Variants in PTTG1IP2 observed in about 807,000 individuals in gnomAD.
PTTG1IP2 encodes the protein PTTG1IP family member 2.
intron 2 of PTTG1IP2, among the ~76,000 whole-genome samples, chr7:90,481,810 C>T (rs1234466256): frequency 6.6e-6 from 1 of 151,986 alleles, no homozygotes; most frequent in Non-Finnish European, 1.5e-5. Flanking sequence ...TTTTATTCAT[C>T]TTTGTATCTC....
intron 2 of PTTG1IP2, among the ~76,000 whole-genome samples, chr7:90,483,175 C>T (rs1383659171): frequency 6.6e-6 from 1 of 152,116 alleles, no homozygotes; most frequent in African/African-American, 2.4e-5. Context: ...ATATGGACAA[C>T]CAGTATCGTG....
chr7:90,484,312 A>T (rs1262496903), intron 2 of PTTG1IP2, among the ~76,000 whole-genome samples: 1 of 152,074 alleles, frequency 6.6e-6, no homozygotes, highest in Admixed American at 6.6e-5. Flanking sequence ...ACTAAAAATT[A>T]TTATGTATCT....
In PTTG1IP2 at chr7:90,479,210, A is replaced by C. The variant is rs1797788986; in HGVS notation, c.146-18A>C. 2 of 152,554 alleles carry C rather than the reference A, an allele frequency of 1.3e-5. No homozygotes were observed. Among genetic ancestry groups the C allele is most frequent in the Non-Finnish European group, 2.9e-5 (2 of 68,002 alleles). 9.5% of individuals were successfully genotyped at this position (152,554 alleles called of 1,614,324 possible). A position where few individuals can be genotyped will look rare whatever the true frequency, so the allele number is the denominator to read the frequency against. On this transcript the variant is annotated intron_variant, in intron 1 of 6. Coordinates refer to ENST00000509356, the MANE Select transcript of PTTG1IP2 (RefSeq NM_001365443.2). ...AAGGATTTGGATTAATTTTGGACTT[A>C]ATTTTTTTTAATTGTAGAATGTGCT...
At chr7:90,505,104 CA>C (rs1402044566) in intron 6 of PTTG1IP2, among the ~76,000 whole-genome samples, 17 of 152,238 alleles carry the variant, frequency 1.1e-4, no homozygotes, top group African/African-American at 4.1e-4. Flanking sequence ...GTGTTTTTGA[CA>C]AATATTTTAC....
intron 2 of PTTG1IP2, among the ~76,000 whole-genome samples, chr7:90,485,555 G>C (rs1054926080): frequency 6.6e-6 from 1 of 152,176 alleles, no homozygotes; most frequent in African/African-American, 2.4e-5. Context: ...GTGGCCAATA[G>C]TCCTATAATA....
chr7:90,505,064 C>T (rs1336770308), intron 6 of PTTG1IP2, among the ~76,000 whole-genome samples: 1 of 152,136 alleles, frequency 6.6e-6, no homozygotes, highest in Non-Finnish European at 1.5e-5. Flanking sequence ...ACACATGTGG[C>T]AGGGAGAGGG....
At chr7:90,503,224 C>A (rs1183487696) in intron 6 of PTTG1IP2, among the ~76,000 whole-genome samples, 1 of 152,222 alleles carries the variant, frequency 6.6e-6, no homozygotes, top group Admixed American at 6.5e-5. Flanking sequence ...CTCTCTCAGC[C>A]TTCATAGAAT....
chr7:90,500,076 T>C (rs1269026642), intron 6 of PTTG1IP2, among the ~76,000 whole-genome samples: 2 of 152,014 alleles, frequency 1.3e-5, no homozygotes, highest in African/African-American at 2.4e-5. Flanking sequence ...TAGCCGGACT[T>C]GGTGGTGTGC....
chr7:90,508,140 G>T (rs563682540), intron 6 of PTTG1IP2, among the ~76,000 whole-genome samples: 1 of 151,616 alleles, frequency 6.6e-6, no homozygotes, highest in Non-Finnish European at 1.5e-5. Flanking sequence ...GGTGGTGCAC[G>T]CCTATAGTCC....
At chr7:90,513,184 C>T (rs540674889) in intron 6 of PTTG1IP2, 94 bp from the exon 7 acceptor site, 56 of 152,656 alleles carry the variant, frequency 3.7e-4, no homozygotes, top group African/African-American at 1.3e-3. Flanking sequence ...ATTGGTGTAA[C>T]GGCCTTGAAC....
chr7:90,472,307 CACACACACACA>C (rs1562982532), intron 1 of PTTG1IP2, among the ~76,000 whole-genome samples: 3 of 145,788 alleles, frequency 2.1e-5, no homozygotes, highest in Non-Finnish European at 4.6e-5. Flanking sequence ...CACACACACA[CACACACACACA>C]CACCCCAAAT....
chr7:90,492,050 G>C (rs1797944784), intron 4 of PTTG1IP2, among the ~76,000 whole-genome samples, 189 bp from the exon 5 acceptor site: 1 of 152,084 alleles, frequency 6.6e-6, no homozygotes, highest in Admixed American at 6.5e-5. Flanking sequence ...AGAATTGCTT[G>C]AACCCAGGAG....
chr7:90,501,186 A>G (rs1798057162), intron 6 of PTTG1IP2, among the ~76,000 whole-genome samples: 2 of 152,196 alleles, frequency 1.3e-5, no homozygotes, highest in African/African-American at 4.8e-5. Flanking sequence ...TGTAAACATA[A>G]TATTTACTAG....
intron 1 of PTTG1IP2, among the ~76,000 whole-genome samples, chr7:90,475,770 C>T (rs1444857100): frequency 1.3e-5 from 2 of 151,858 alleles, no homozygotes; most frequent in African/African-American, 4.8e-5. Flanking sequence ...ACCATCCTGG[C>T]CAACATGACA....
intron 6 of PTTG1IP2, among the ~76,000 whole-genome samples, chr7:90,497,196 T>A (rs1798001753): frequency 6.6e-6 from 1 of 150,532 alleles, no homozygotes; most frequent in Non-Finnish European, 1.5e-5. Flanking sequence ...CTTTGGGAGG[T>A]CAAGGCAGGA....
At chr7:90,505,990 C>CAAAAAAAAA (rs59521168) in intron 6 of PTTG1IP2, among the ~76,000 whole-genome samples, 2 of 77,318 alleles carry the variant, frequency 2.6e-5, no homozygotes, top group African/African-American at 5.5e-5. Flanking sequence ...GACTCCGTCT[C>CAAAAAAAAA]AAAAAAAAAA....
chr7:90,512,880 G>A (rs1798206304), intron 6 of PTTG1IP2, among the ~76,000 whole-genome samples: 1 of 152,214 alleles, frequency 6.6e-6, no homozygotes, highest in Non-Finnish European at 1.5e-5. Context: ...CTGATGTGGT[G>A]ACCTTTTGGA....
At chr7:90,482,773 C>A (rs1409982651) in intron 2 of PTTG1IP2, among the ~76,000 whole-genome samples, 2 of 152,096 alleles carry the variant, frequency 1.3e-5, no homozygotes, top group African/African-American at 4.8e-5. Context: ...ACTGTTGCAA[C>A]TGACTTAAAA....
intron 6 of PTTG1IP2, among the ~76,000 whole-genome samples, chr7:90,505,964 C>A (rs1389045935): frequency 2.3e-5 from 3 of 132,004 alleles, no homozygotes; most frequent in Non-Finnish European, 4.7e-5. Context: ...GCAGTCCGGC[C>A]TGGGCGACAG....
Sources: allele counts gnomAD v4.1 joint callset (sites outside exome capture counted in the v4.1 genomes callset), GRCh38; gene constraint gnomAD v4.1.1; transcripts MANE v1.5; gene names NCBI Gene and HGNC (gene_info 2026-07-23, HGNC 2026-07-21).